Variants in PHF13 observed in about 807,000 individuals in gnomAD.
The protein encoded by PHF13 is PHD zinc finger protein PHF5.
PHF13 carries 1 observed loss-of-function variant against 25.8 expected under a neutral mutation model. The ratio of observed to expected loss-of-function variants is 0.04; its 90% CI spans 0.01 to 0.18. PHF13 has a LOEUF of 0.18. PHF13 is among the 10% of genes least tolerant of loss of function. The pLI is 1.00. For missense variants in PHF13, 306 were observed against 403.2 expected, an observed-to-expected ratio of 0.76 and a Z score of 2.06; for synonymous variants, 195 against 162.4, an observed-to-expected ratio of 1.20 and a Z score of -1.53.
rs1305243607 is a variant in PHF13, at chr1:6,613,903, C to A, written c.-164C>A. The A allele has an allele frequency of 1.8e-6, 1 of 543,212 alleles. No homozygotes were observed. Among genetic ancestry groups the A allele is most frequent in the Non-Finnish European group, 3.2e-6 (1 of 312,948 alleles). 33.6% of individuals were successfully genotyped at this position (543,212 alleles called of 1,614,324 possible). A position where few individuals can be genotyped will look rare whatever the true frequency, so the allele number is the denominator to read the frequency against. ...GAACCGCCAGTCCGGGGTCACAGAG[C>A]TTGAGAAGCGACGCGCTGAGCCCCC... is the stretch of plus-strand genomic sequence containing the variant. On this transcript the variant is annotated 5_prime_UTR_variant, in exon 1 of 4. Coordinates refer to ENST00000377648, the MANE Select transcript of PHF13 (RefSeq NM_153812.3).
At position 6,619,875 on chromosome 1, in the gene PHF13, G is replaced by A. The variant is rs1279954384; in HGVS notation, c.214G>A (p.Ala72Thr). The change falls in exon 3 of 4, where the codon GCG becomes ACG. Residue 72 changes from alanine (A) to threonine (T), a missense_variant. By Grantham distance (58) the Ala-to-Thr change is moderately conservative. This residue lies in a region of PHF13 where 36 missense variants were observed against 76.0 expected (regional missense o/e 0.47). Transcript: ENST00000377648. ...TACCATTGACAGCGACGGCTGGGAC[G>A]CGGGTTTCTCAGACATCGCGTCCTC... ...AGTIDSDGWD[A>T]GFSDIASSVP... is the part of the protein sequence containing the mutation. 5.0e-6 allele frequency: 8 copies of A among 1,613,692 alleles called. No individual in the cohort carries two copies. Among genetic ancestry groups the A allele is most frequent in the Admixed American group, 1.7e-5 (1 of 59,944 alleles).
rs775941419 is a variant in PHF13, at chr1:6,621,378, C to T, written c.677-33C>T. 1.7e-5 allele frequency: 28 copies of T among 1,605,224 alleles called. No homozygotes were observed. Among genetic ancestry groups the T allele is most frequent in the African/African-American group, 2.7e-5 (2 of 74,686 alleles). The stretch of plus-strand genomic sequence containing the variant: ...TGATGGCGAGGAATGATGGGAATTT[C>T]TCTTCCCTCCTTGAGAGTATCTTTC... On this transcript the variant is annotated intron_variant, in intron 3 of 3. Transcript: ENST00000377648. This position sits in a 1 kb window ranked among gnomAD's most constrained non-coding sequence, Gnocchi z 4.8.
At chr1:6,616,572 C>T (rs1171455604) in intron 1 of PHF13, among the ~76,000 whole-genome samples, 185 bp from the exon 2 acceptor site, 3 of 152,320 alleles carry the variant, frequency 2.0e-5, no homozygotes, top group African/African-American at 7.2e-5. Context: ...ACTCCTCTTT[C>T]TGCTCTCTGA....
rs910670001 is a variant in PHF13, at chr1:6,613,937, C to T, written c.-130C>T. The T allele has an allele frequency of 1.7e-6, 1 of 588,244 alleles. No homozygotes were observed. The highest frequency in any genetic ancestry group is 2.9e-6 in the Non-Finnish European group (1 of 343,038). 36.4% of individuals were successfully genotyped at this position (588,244 alleles called of 1,614,324 possible). A position where few individuals can be genotyped will look rare whatever the true frequency, so the allele number is the denominator to read the frequency against. ...CGACGCGCTGAGCCCCCCATCACCTCCAGCCCGGGCGACCCCTCCCGGGTC... is the reference window on the plus strand; with the variant it reads ...CGACGCGCTGAGCCCCCCATCACCTTCAGCCCGGGCGACCCCTCCCGGGTC... On this transcript the variant is annotated 5_prime_UTR_variant, in exon 1 of 4. Transcript: ENST00000377648.
chr1:6,615,256 C>T lies in PHF13; in HGVS notation c.39+1151C>T, dbSNP rs528359664. On this transcript the variant is annotated intron_variant, in intron 1 of 3. Coordinates refer to ENST00000377648, the MANE Select transcript of PHF13 (RefSeq NM_153812.3). ...CCACTTGGCATTCGGGTTTTTGACC[C>T]ACTTCTGCTGGTTCCCCGCCGAAAG... Among the ~76,000 whole-genome samples the T allele has an allele frequency of 2.6e-5, 4 of 152,204 alleles. No individual in the cohort carries two copies. The South Asian group carries it at 8.3e-4, about 32-fold the overall frequency.
intron 3 of PHF13, 30 bp downstream of exon 3, chr1:6,620,367 T>C (rs1470504654): frequency 6.3e-7 from 1 of 1,591,536 alleles, no homozygotes; most frequent in South Asian, 1.1e-5. Flanking sequence ...TGATGACCCT[T>C]GTTGGCTTGT....
In PHF13 at chr1:6,623,964, G is replaced by A. The variant is rs897588486; in HGVS notation, c.*2327G>A. The A allele has an allele frequency of 6.5e-6, 1 of 152,724 alleles. No individual in the cohort carries two copies. The highest frequency in any genetic ancestry group is 2.1e-4 in the South Asian group (1 of 4,832). The allele number at this position is 152,724 out of a possible 1,614,324, so 9.5% of individuals were successfully genotyped here. On this transcript the variant is annotated 3_prime_UTR_variant, in exon 4 of 4. Transcript: ENST00000377648. The stretch of plus-strand genomic sequence containing the variant: ...CTGTTTCTGTGAAACTGTATATTTT[G>A]TAAATAAATATATTGCTACTTTGAG...
chr1:6,615,221 T>C (rs1432631267), intron 1 of PHF13, among the ~76,000 whole-genome samples: 1 of 151,828 alleles, frequency 6.6e-6, no homozygotes, highest in Non-Finnish European at 1.5e-5. Context: ...CCCGAGGCCG[T>C]CGCCGCCCTC....
At chr1:6,616,425 T>G (rs12731208) in intron 1 of PHF13, among the ~76,000 whole-genome samples, 45,953 of 152,108 alleles carry the variant, frequency 0.3, 7,263 homozygotes, top group Middle Eastern at 0.36. Context: ...AAAGTAGTTA[T>G]TAGAGCTTCG....
rs1468373803 is a variant in PHF13, at chr1:6,622,973, T to G, written c.*1336T>G. The G allele has an allele frequency of 3.3e-5, 5 of 152,360 alleles. No homozygotes were observed. The highest frequency in any genetic ancestry group is 1.2e-4 in the African/African-American group (5 of 41,598). The allele number at this position is 152,360 out of a possible 1,614,324, so 9.4% of individuals were successfully genotyped here. Reference sequence around the variant, plus strand: ...TGCTCTTCAGCAGTTCAAGTACTTGTTCTCAAAACATTTTCTAATTGATTG... The same window carrying G: ...TGCTCTTCAGCAGTTCAAGTACTTGGTCTCAAAACATTTTCTAATTGATTG... On this transcript the variant is annotated 3_prime_UTR_variant, in exon 4 of 4. Coordinates refer to ENST00000377648, the MANE Select transcript of PHF13 (RefSeq NM_153812.3).
chr1:6,623,977 T>C lies in PHF13; in HGVS notation c.*2340T>C, dbSNP rs1393262225. On this transcript the variant is annotated 3_prime_UTR_variant, in exon 4 of 4. Transcript: ENST00000377648. ...ACTGTATATTTTGTAAATAAATATA[T>C]TGCTACTTTGAGGTTCATGATTCAA... The C allele has an allele frequency of 6.6e-6, 1 of 152,652 alleles. No homozygotes were observed. The highest frequency in any genetic ancestry group is 1.5e-5 in the Non-Finnish European group (1 of 68,052). The allele number at this position is 152,652 out of a possible 1,614,324, so 9.5% of individuals were successfully genotyped here.
At chr1:6,618,622 G>C (rs1641296205) in intron 2 of PHF13, among the ~76,000 whole-genome samples, 1 of 152,076 alleles carries the variant, frequency 6.6e-6, no homozygotes, top group South Asian at 2.1e-4. Flanking sequence ...TACATAGGTG[G>C]CTAATGCCTG....
chr1:6,614,744 G>A (rs1641230825), intron 1 of PHF13: 1 of 149,574 alleles, frequency 6.7e-6, no homozygotes, highest in Admixed American at 6.6e-5. Context: ...CTCTCTTCGG[G>A]CCCCCGCCCC....
chr1:6,619,186 A>T (rs997225918), intron 2 of PHF13, among the ~76,000 whole-genome samples: 3 of 152,228 alleles, frequency 2.0e-5, no homozygotes, highest in Admixed American at 2.0e-4. Flanking sequence ...GAGGTTTTAC[A>T]ATCAGGGAAC....
In PHF13 at chr1:6,621,430, C is replaced by T. The variant is rs755788142; in HGVS notation, c.696C>T (p.Leu232=). The T allele has an allele frequency of 1.1e-5, 18 of 1,613,958 alleles. No individual in the cohort carries two copies. Among genetic ancestry groups the T allele is most frequent in the Middle Eastern group, 1.6e-4 (1 of 6,084 alleles). The change falls in exon 4 of 4, where the codon CTC becomes CTT. Residue 232 remains leucine, a synonymous_variant. Transcript: ENST00000377648. The surrounding 1 kb of genome is among the most constrained non-coding windows in gnomAD (Gnocchi z 4.8). ...MVDSDDDSWD[L]VTCFCMKPFA... ...TTCCAGATGACGATTCCTGGGACCT[C>T]GTGACCTGCTTCTGCATGAAGCCAT...
chr1:6,614,311 C>T (rs1641219692), intron 1 of PHF13: 3 of 535,924 alleles, frequency 5.6e-6, no homozygotes, highest in East Asian at 3.5e-5. Flanking sequence ...CGCGTCCCCT[C>T]CGCGGACCTC....
chr1:6,619,952 C>T lies in PHF13; in HGVS notation c.291C>T (p.Leu97=). The stretch of plus-strand genomic sequence containing the variant: ...GCTTTAGCCACCTGCAGCCTACTCT[C>T]TTGCAGCGAGCCAAGCCCAGTAACT... ...DRCFSHLQPT[L]LQRAKPSNFL... Residue 97 remains leucine, a synonymous_variant, in exon 3 of 4, where the codon CTC becomes CTT. Transcript: ENST00000377648. The T allele has an allele frequency of 1.2e-6, 2 of 1,613,948 alleles. No individual in the cohort carries two copies. Among genetic ancestry groups the T allele is most frequent in the East Asian group, 2.2e-5 (1 of 44,858 alleles).
chr1:6,621,541 A>G lies in PHF13; in HGVS notation c.807A>G (p.Pro269=). ...SCAKIRKSNV[P]EVFVCQKCRD... ...CGAAAATCCGGAAATCCAATGTTCC[A>G]GAAGTGTTTGTCTGCCAAAAGTGCC... Residue 269 remains proline, a synonymous_variant, in exon 4 of 4, where the codon CCA becomes CCG. Transcript: ENST00000377648. This position sits in a 1 kb window ranked among gnomAD's most constrained non-coding sequence, Gnocchi z 4.8. The G allele has an allele frequency of 6.2e-7, 1 of 1,614,232 alleles. No homozygotes were observed. The highest frequency in any genetic ancestry group is 1.1e-5 in the South Asian group (1 of 91,086).
At position 6,620,376 on chromosome 1, in the gene PHF13, G is replaced by A. The variant is rs1433108392; in HGVS notation, c.676+39G>A. The A allele has an allele frequency of 1.9e-6, 3 of 1,575,040 alleles. No individual in the cohort carries two copies. The Admixed American group carries it at 5.4e-5, about 29-fold the overall frequency. On this transcript the variant is annotated intron_variant, in intron 3 of 3. Transcript: ENST00000377648. The stretch of plus-strand genomic sequence containing the variant: ...GAAGGATGATGACCCTTGTTGGCTT[G>A]TGGTTAGAAGAGAGGTTATTTTATT...
Sources: gnomAD v4.1 joint callset for allele counts (sites outside exome capture counted in the v4.1 genomes callset) on GRCh38, gnomAD v4.1.1 for gene constraint, gnomAD v4.1.1 regional missense constraint, Gnocchi (gnomAD v3.1) non-coding constraint, MANE v1.5 for transcripts, NCBI Gene and HGNC (gene_info 2026-07-23, HGNC 2026-07-21) for gene names.